CNOT6L: variants seen among roughly 807,000 people sequenced by gnomAD.
CNOT6L encodes CCR4-NOT transcription complex subunit 6 like.
A neutral mutation model predicts 64.0 loss-of-function variants in CNOT6L; 7 were observed. That is an observed-to-expected ratio of 0.11 (90% CI 0.06 to 0.21). CNOT6L has a LOEUF of 0.21. Ranked by LOEUF, CNOT6L falls within the 10% of genes least tolerant of loss-of-function variation. The pLI, the probability that CNOT6L is intolerant of heterozygous loss-of-function variation, is 1.00. For missense variants in CNOT6L, 245 were observed against 669.0 expected (o/e 0.37, Z 6.99); for synonymous variants, 193 against 243.4 (o/e 0.79, Z 1.93).
At chr4:77,791,324 C>A (rs1730128247) in intron 1 of CNOT6L, among the ~76,000 whole-genome samples, 2 of 152,062 alleles carry the variant, frequency 1.3e-5, no homozygotes, top group Non-Finnish European at 2.9e-5. Flanking sequence ...TGTCATATTT[C>A]TGATAGCCTA....
intron 4 of CNOT6L, among the ~76,000 whole-genome samples, chr4:77,758,603 A>G (rs1349343129): frequency 6.6e-6 from 1 of 152,182 alleles, no homozygotes; most frequent in East Asian, 1.9e-4. Context: ...GAGAATCACA[A>G]CTTACTGGCA....
At chr4:77,813,333 T>TAC (rs1358800100) in intron 1 of CNOT6L, among the ~76,000 whole-genome samples, 3 of 110,914 alleles carry the variant, frequency 2.7e-5, no homozygotes, top group East Asian at 2.7e-4. Flanking sequence ...GAAATAGATA[T>TAC]ATTAGATAGA....
chr4:77,760,860 C>CTGTTTTTT (rs1726134321), intron 4 of CNOT6L, among the ~76,000 whole-genome samples: 1 of 29,978 alleles, frequency 3.3e-5, no homozygotes, highest in Non-Finnish European at 5.7e-5. Context: ...CCATGCCTGG[C>CTGTTTTTT]TTTTTTTTTT....
At chr4:77,808,344 C>T (rs1386998657) in intron 1 of CNOT6L, among the ~76,000 whole-genome samples, 2 of 151,798 alleles carry the variant, frequency 1.3e-5, no homozygotes, top group East Asian at 1.9e-4. Context: ...CGCCTGTAAT[C>T]CCAGCTTCTC....
upstream of CNOT6L, chr4:77,819,370 C>CAA (rs1553900988): frequency 3.7e-6 from 6 of 1,611,406 alleles, no homozygotes; most frequent in Non-Finnish European, 5.1e-6. Flanking sequence ...AACACACACA[C>CAA]AAACACGCGC....
In CNOT6L at chr4:77,714,348, A is replaced by AAATC. The variant is rs572795670; in HGVS notation, c.*6079_*6082dup. ...TTGGCACTTGTTATATAGTTGAAAA[A>AAATC]AATCACAACAGAAGATATAAATTAA... On this transcript the variant is annotated 3_prime_UTR_variant, in exon 12 of 12. Transcript: ENST00000504123. 293 of 150,110 alleles carry AAATC rather than the reference A, an allele frequency of 2.0e-3. 1 individual carries two copies. The highest frequency in any genetic ancestry group is 6.9e-3 in the African/African-American group (282 of 40,860). 9.3% of individuals were successfully genotyped at this position (150,110 alleles called of 1,614,324 possible).
chr4:77,767,620 T>C (rs1726992667), intron 4 of CNOT6L, among the ~76,000 whole-genome samples: 1 of 152,102 alleles, frequency 6.6e-6, no homozygotes, highest in Non-Finnish European at 1.5e-5. Context: ...GACAACTGGT[T>C]ACTCATAGGG....
chr4:77,782,772 A>T (rs72864991), intron 1 of CNOT6L, among the ~76,000 whole-genome samples: 1 of 152,018 alleles, frequency 6.6e-6, no homozygotes, highest in African/African-American at 2.4e-5. Flanking sequence ...CACCACTACA[A>T]CCAACTATAG....
At chr4:77,791,416 TA>T (rs572851261) in intron 1 of CNOT6L, among the ~76,000 whole-genome samples, 24 of 147,394 alleles carry the variant, frequency 1.6e-4, no homozygotes, top group Admixed American at 1.4e-4. Context: ...TGTGTACGGT[TA>T]AAAAAAAAAG....
Position 77,720,758 on chromosome 4 carries a change from G to C in CNOT6L, c.1456-115C>G, listed in dbSNP as rs142542665. 1.1e-5 allele frequency: 11 copies of C among 993,134 alleles called. No individual in the cohort carries two copies. In the East Asian group the frequency reaches 2.3e-4, roughly 21 times the overall value. The allele number at this position is 993,134 out of a possible 1,614,324, so 61.5% of individuals were successfully genotyped here. ...CCTTTCTTCTGGTACCTGTTGTCTT[G>C]ATAGTGGGTCAAATAAGGCTCAAAT... is the stretch of plus-strand genomic sequence containing the variant. On this transcript the variant is annotated intron_variant, in intron 11 of 11. Transcript: ENST00000504123.
intron 7 of CNOT6L, 85 bp downstream of exon 7, chr4:77,744,633 A>G (rs766107686): frequency 4.2e-6 from 5 of 1,198,494 alleles, no homozygotes; most frequent in Non-Finnish European, 5.6e-6. Flanking sequence ...GGCTCTAAAC[A>G]CAGGATCTCT....
At chr4:77,793,795 G>A (rs754252831) in intron 1 of CNOT6L, among the ~76,000 whole-genome samples, 3 of 152,110 alleles carry the variant, frequency 2.0e-5, no homozygotes, top group Middle Eastern at 3.4e-3. Flanking sequence ...AGGTATATGC[G>A]TTATAAATTT....
rs554395411 is a variant in CNOT6L at position 77,768,033 on chromosome 4, G to A, written c.400+5048C>T. On this transcript the variant is annotated intron_variant, in intron 4 of 11. Transcript: ENST00000504123. Reference sequence around the variant, plus strand: ...ACAAATGAATTAAAGAATTAACTGCGAAGAGCAAAACCTCAAAACCTTTAA... The same window carrying A: ...ACAAATGAATTAAAGAATTAACTGCAAAGAGCAAAACCTCAAAACCTTTAA... Among the ~76,000 whole-genome samples the A allele has an allele frequency of 3.0e-4, 44 of 148,598 alleles. No homozygotes were observed. In the South Asian group the frequency reaches 4.7e-3, roughly 16 times the overall value.
rs764177835 is a variant in CNOT6L, at chr4:77,744,946, G to C, written c.560-71C>G. On this transcript the variant is annotated intron_variant, in intron 6 of 11. Transcript: ENST00000504123. ...GCAACTTTTTCTAAAGCAATATCAT[G>C]TGTACACCTGCACAAGCACACACAC... 6.3e-6 allele frequency: 8 copies of C among 1,265,734 alleles called. No homozygotes were observed. In the African/African-American group the frequency reaches 1.2e-4, roughly 19 times the overall value. 78.4% of individuals were successfully genotyped at this position (1,265,734 alleles called of 1,614,324 possible). A position where few individuals can be genotyped will look rare whatever the true frequency, so the allele number is the denominator to read the frequency against.
chr4:77,744,947 T>C, intron 6 of CNOT6L, 72 bp from the exon 7 acceptor site: 1 of 1,270,532 alleles, frequency 7.9e-7, no homozygotes, highest in Non-Finnish European at 1.1e-6. Context: ...CAATATCATG[T>C]GTACACCTGC....
intron 4 of CNOT6L, among the ~76,000 whole-genome samples, chr4:77,765,251 T>C (rs1458286544): frequency 6.6e-6 from 1 of 152,198 alleles, no homozygotes; most frequent in Non-Finnish European, 1.5e-5. Context: ...TCACCCCTTG[T>C]TTAGCATATA....
chr4:77,758,010 T>A (rs558930920), intron 4 of CNOT6L, among the ~76,000 whole-genome samples: 3 of 152,308 alleles, frequency 2.0e-5, no homozygotes, highest in African/African-American at 7.2e-5. Context: ...TAAACAAATT[T>A]TTTTAATGAC....
intron 1 of CNOT6L, among the ~76,000 whole-genome samples, chr4:77,808,482 GAGAAGAGAAA>G (rs1477207471): frequency 2.2e-3 from 323 of 143,654 alleles, no homozygotes; most frequent in African/African-American, 7.9e-3. Context: ...AAAAAAAAAA[GAGAAGAGAAA>G]AGAAGAGAAG....
At chr4:77,744,490 G>A (rs1332990163) in intron 7 of CNOT6L, among the ~76,000 whole-genome samples, 1 of 152,016 alleles carries the variant, frequency 6.6e-6, no homozygotes, top group Non-Finnish European at 1.5e-5. Flanking sequence ...TTCCACTTAA[G>A]AAAACAGTAA....
Sources: gnomAD v4.1 joint callset for allele counts (sites outside exome capture counted in the v4.1 genomes callset) on GRCh38, gnomAD v4.1.1 for gene constraint, MANE v1.5 for transcripts, NCBI Gene and HGNC (gene_info 2026-07-23, HGNC 2026-07-21) for gene names.